CNTN6: variants seen among roughly 807,000 people sequenced by gnomAD.
The protein encoded by CNTN6 is contactin-6.
A neutral mutation model predicts 122.8 loss-of-function variants in CNTN6; 137 were observed. That is an observed-to-expected ratio of 1.12 (90% CI 0.97 to 1.29). The LOEUF is 1.29. CNTN6 is among the 50% of genes most tolerant of loss of function. The pLI, the probability that CNTN6 is intolerant of heterozygous loss-of-function variation, is 0.00. For synonymous variants in CNTN6, 570 were observed against 426.0 expected (o/e 1.34, Z -4.16); for missense variants, 1,634 against 1,223.4 (o/e 1.34, Z -5.01).
chr3:1,225,132 A>G (rs549794410), intron 3 of CNTN6, among the ~76,000 whole-genome samples: 10 of 152,324 alleles, frequency 6.6e-5, no homozygotes, highest in Non-Finnish European at 1.2e-4. Context: ...GTTCACATCC[A>G]TTATGTTTTC....
At position 1,403,585 on chromosome 3, in the gene CNTN6, A is replaced by T. The variant is rs1376615605; in HGVS notation, c.*167A>T. The T allele has an allele frequency of 7.1e-6, 3 of 422,424 alleles. No homozygotes were observed. The highest frequency in any genetic ancestry group is 1.2e-5 in the Non-Finnish European group (3 of 241,424). 26.2% of individuals were successfully genotyped at this position (422,424 alleles called of 1,614,324 possible). On this transcript the variant is annotated 3_prime_UTR_variant, in exon 23 of 23. Transcript: ENST00000446702. Reference sequence around the variant, plus strand: ...ATATCTATGGTATATTAATAAAACAATTTTAAACACTTTTGAATTTTAAAA... The same window carrying T: ...ATATCTATGGTATATTAATAAAACATTTTTAAACACTTTTGAATTTTAAAA...
chr3:1,172,620 C>CTCTCTCTGTGTGTG (rs762907787), intron 2 of CNTN6, among the ~76,000 whole-genome samples: 1 of 150,180 alleles, frequency 6.7e-6, no homozygotes, highest in Admixed American at 6.7e-5. Flanking sequence ...CAATAACTCT[C>CTCTCTCTGTGTGTG]TGTGTGTGTG....
At chr3:1,399,525 A>G (rs547964785) in intron 20 of CNTN6, among the ~76,000 whole-genome samples, 8 of 152,070 alleles carry the variant, frequency 5.3e-5, no homozygotes, top group Non-Finnish European at 1.2e-4. Context: ...GGTCAATCCA[A>G]TTGGCCTGTC....
At chr3:1,104,174 G>T (rs61453569) in intron 1 of CNTN6, among the ~76,000 whole-genome samples, 3,118 of 151,330 alleles carry the variant, frequency 0.021, 117 homozygotes, top group African/African-American at 0.074. Flanking sequence ...CAGGTGGAAA[G>T]GGGGGCTAAC....
At chr3:1,168,884 A>G (rs913705149) in intron 2 of CNTN6, among the ~76,000 whole-genome samples, 3 of 152,254 alleles carry the variant, frequency 2.0e-5, no homozygotes, top group Admixed American at 2.0e-4. Flanking sequence ...ATTTTTTTTA[A>G]GAAAATACAA....
At chr3:1,133,058 T>C (rs2092381895) in intron 1 of CNTN6, among the ~76,000 whole-genome samples, 1 of 152,072 alleles carries the variant, frequency 6.6e-6, no homozygotes, top group African/African-American at 2.4e-5. Flanking sequence ...CAAGGACACA[T>C]ACACAAGATC....
In CNTN6 at chr3:1,370,834, C is replaced by T. The variant is rs142382183; in HGVS notation, c.1493-1465C>T. Among the ~76,000 whole-genome samples the T allele has an allele frequency of 4.0e-4, 61 of 151,684 alleles. No homozygotes were observed. In the East Asian group the frequency reaches 8.8e-3, roughly 22 times the overall value. Reference sequence around the variant, plus strand: ...CTGCACTCTAGCCTGGGTGACGGAGCGAGACTCCATCTCAAAAATAATAAT... The same window carrying T: ...CTGCACTCTAGCCTGGGTGACGGAGTGAGACTCCATCTCAAAAATAATAAT... On this transcript the variant is annotated intron_variant, in intron 12 of 22. Coordinates refer to ENST00000446702, the MANE Select transcript of CNTN6 (RefSeq NM_001289080.2).
intron 1 of CNTN6, among the ~76,000 whole-genome samples, chr3:1,142,954 T>TTG (rs374380362): frequency 0.01 from 1,375 of 137,306 alleles, 14 homozygotes; most frequent in African/African-American, 0.02. Flanking sequence ...ACATATAAAT[T>TTG]TGTGTGTGTG....
chr3:1,190,794 A>C (rs997495008), intron 2 of CNTN6, among the ~76,000 whole-genome samples: 1 of 152,252 alleles, frequency 6.6e-6, no homozygotes, highest in South Asian at 2.1e-4. Flanking sequence ...GTGACTCACT[A>C]TCTAGGGATC....
chr3:1,314,236 T>C (rs1487274944), intron 7 of CNTN6, among the ~76,000 whole-genome samples: 1 of 152,104 alleles, frequency 6.6e-6, no homozygotes, highest in East Asian at 1.9e-4. Context: ...ATATTTCAAA[T>C]TGGGGAAATG....
intron 7 of CNTN6, among the ~76,000 whole-genome samples, chr3:1,298,584 G>A (rs1247632631): frequency 6.6e-6 from 1 of 152,086 alleles, no homozygotes; most frequent in Non-Finnish European, 1.5e-5. Context: ...CTACATTTTT[G>A]CATGGGATAT....
intron 5 of CNTN6, among the ~76,000 whole-genome samples, chr3:1,285,040 C>A (rs1392696447): frequency 6.6e-6 from 1 of 152,152 alleles, no homozygotes; most frequent in East Asian, 1.9e-4. Context: ...CTCTGACTTT[C>A]ATTTGTAAAA....
intron 7 of CNTN6, among the ~76,000 whole-genome samples, chr3:1,308,775 A>C (rs1295026445): frequency 6.6e-6 from 1 of 151,986 alleles, no homozygotes; most frequent in Non-Finnish European, 1.5e-5. Flanking sequence ...CTTAATCTAC[A>C]CCAGCATTTG....
intron 1 of CNTN6, among the ~76,000 whole-genome samples, chr3:1,132,662 T>TAAATAAATAAAC (rs769963919): frequency 8.7e-6 from 1 of 114,898 alleles, no homozygotes; most frequent in African/African-American, 4.3e-5. Flanking sequence ...GTCTAAAAAA[T>TAAATAAATAAAC]AAATAAATAA....
chr3:1,224,579 CA>C (rs59984017), intron 3 of CNTN6, among the ~76,000 whole-genome samples: 14,623 of 150,042 alleles, frequency 0.097, 1,543 homozygotes, highest in East Asian at 0.49. Context: ...AAATAAAACT[CA>C]AAAAAAAAGA....
At chr3:1,386,224 G>C (rs1302078204) in intron 20 of CNTN6, among the ~76,000 whole-genome samples, 1 of 152,032 alleles carries the variant, frequency 6.6e-6, no homozygotes, top group African/African-American at 2.4e-5. Flanking sequence ...TTAATAATAA[G>C]TGTCCAGTAC....
At chr3:1,101,940 A>G (rs985779940) in intron 1 of CNTN6, among the ~76,000 whole-genome samples, 2 of 152,230 alleles carry the variant, frequency 1.3e-5, no homozygotes, top group African/African-American at 4.8e-5. Flanking sequence ...ACACAGTACA[A>G]GCTGAATGCT....
At chr3:1,277,346 CTTTTTTTTTTT>C (rs10599744) in intron 4 of CNTN6, among the ~76,000 whole-genome samples, 12 of 80,192 alleles carry the variant, frequency 1.5e-4, no homozygotes, top group South Asian at 8.2e-4. Context: ...AGTAGGTTTT[CTTTTTTTTTTT>C]TTTTTTTTTT....
intron 8 of CNTN6, among the ~76,000 whole-genome samples, chr3:1,324,687 C>A (rs1479544752): frequency 1.3e-5 from 2 of 149,656 alleles, no homozygotes; most frequent in African/African-American, 2.5e-5. Context: ...AACTCAATAA[C>A]TCAGCCTTGC....
Sources: gnomAD v4.1 joint callset for allele counts (sites outside exome capture counted in the v4.1 genomes callset) on GRCh38, gnomAD v4.1.1 for gene constraint, MANE v1.5 for transcripts, NCBI Gene and HGNC (gene_info 2026-07-23, HGNC 2026-07-21) for gene names.